Variants in FAM193A observed in about 807,000 individuals in gnomAD.
The protein encoded by FAM193A is protein FAM193A.
Under a neutral mutation model 126.5 loss-of-function variants are expected in FAM193A, and 22 were observed. That is an observed-to-expected ratio of 0.17 (90% CI 0.12 to 0.25). FAM193A has a LOEUF of 0.25. Among genes scored for constraint, FAM193A ranks in the 10% least tolerant of loss-of-function variants. The pLI is 1.00. For missense variants in FAM193A, 1,675 were observed against 1,672.8 expected, an observed-to-expected ratio of 1.00 and a Z score of -0.02; for synonymous variants, 761 against 646.8, an observed-to-expected ratio of 1.18 and a Z score of -2.68.
At chr4:2,568,432 A>G (rs574223043) in intron 1 of FAM193A, among the ~76,000 whole-genome samples, 98 of 152,306 alleles carry the variant, frequency 6.4e-4, no homozygotes, top group African/African-American at 2.2e-3. Flanking sequence ...AGGAGGGAGG[A>G]TCACCTGAGC....
intron 1 of FAM193A, among the ~76,000 whole-genome samples, chr4:2,574,143 G>A (rs1464854972): frequency 6.6e-6 from 1 of 152,166 alleles, no homozygotes; most frequent in Non-Finnish European, 1.5e-5. Context: ...GTGGGGTAAA[G>A]GCTGGAGCAG....
chr4:2,624,822 G>A (rs1742795003), intron 2 of FAM193A, among the ~76,000 whole-genome samples: 2 of 152,186 alleles, frequency 1.3e-5, no homozygotes, highest in South Asian at 4.1e-4. Context: ...GATTACAGGC[G>A]TGAACCGCCA....
At chr4:2,659,205 C>T (rs201545921) in intron 8 of FAM193A, among the ~76,000 whole-genome samples, 34 of 152,330 alleles carry the variant, frequency 2.2e-4, no homozygotes, top group African/African-American at 7.7e-4. Flanking sequence ...CCCTTGCCCT[C>T]CACGTGCCAC....
intron 19 of FAM193A, among the ~76,000 whole-genome samples, chr4:2,703,773 G>A (rs1162235678): frequency 1.3e-5 from 2 of 148,728 alleles, no homozygotes; most frequent in Non-Finnish European, 3.0e-5. Flanking sequence ...AGACCAGCCT[G>A]GGCAATATAG....
intron 19 of FAM193A, among the ~76,000 whole-genome samples, chr4:2,709,506 C>T (rs551722006): frequency 1.3e-5 from 2 of 152,140 alleles, no homozygotes; most frequent in East Asian, 1.9e-4. Flanking sequence ...GTCAGGCGTT[C>T]GAGACAAGCC....
chr4:2,677,503 G>A (rs1043200669), intron 13 of FAM193A, among the ~76,000 whole-genome samples: 2 of 151,946 alleles, frequency 1.3e-5, no homozygotes, highest in Non-Finnish European at 2.9e-5. Flanking sequence ...CACTTTGGGA[G>A]GCTGAGGCGG....
intron 19 of FAM193A, among the ~76,000 whole-genome samples, chr4:2,706,855 T>C (rs1315269863): frequency 6.6e-6 from 1 of 151,852 alleles, no homozygotes; most frequent in Non-Finnish European, 1.5e-5. Flanking sequence ...GGGGCCGGGC[T>C]CACACCTGTA....
intron 13 of FAM193A, among the ~76,000 whole-genome samples, chr4:2,681,365 T>G (rs759490419): frequency 6.6e-6 from 1 of 152,220 alleles, no homozygotes; most frequent in Non-Finnish European, 1.5e-5. Context: ...CTGCTCTAAA[T>G]TACCTTTCTT....
intron 2 of FAM193A, among the ~76,000 whole-genome samples, chr4:2,616,679 C>T (rs1304598034): frequency 6.6e-6 from 1 of 151,886 alleles, no homozygotes; most frequent in Non-Finnish European, 1.5e-5. Context: ...CCCACCTCAG[C>T]CTCCCAAGTA....
intron 17 of FAM193A, among the ~76,000 whole-genome samples, 165 bp downstream of exon 17, chr4:2,695,294 A>G (rs1716907347): frequency 6.6e-6 from 1 of 151,976 alleles, no homozygotes; most frequent in Non-Finnish European, 1.5e-5. Flanking sequence ...AGCCATAATG[A>G]TTTTTTTTCT....
At chr4:2,551,493 T>C (rs1240495088) in intron 1 of FAM193A, among the ~76,000 whole-genome samples, 2 of 152,236 alleles carry the variant, frequency 1.3e-5, no homozygotes, top group Admixed American at 1.3e-4. Context: ...GAATTATTTC[T>C]TTCTCTATGT....
chr4:2,692,290 T>C (rs1716486873), intron 15 of FAM193A, among the ~76,000 whole-genome samples: 1 of 152,072 alleles, frequency 6.6e-6, no homozygotes, highest in South Asian at 2.1e-4. Context: ...AACCATCAGC[T>C]CTCGTGAGAA....
At chr4:2,659,059 C>T (rs71608221) in intron 8 of FAM193A, among the ~76,000 whole-genome samples, 5,458 of 152,260 alleles carry the variant, frequency 0.036, 115 homozygotes, top group South Asian at 0.071. Flanking sequence ...CCATCCCGTC[C>T]TTTTGAGTGG....
At chr4:2,571,707 T>A (rs575354639) in intron 1 of FAM193A, among the ~76,000 whole-genome samples, 2 of 151,326 alleles carry the variant, frequency 1.3e-5, no homozygotes, top group East Asian at 4.0e-4. Context: ...GCCCAGCTAA[T>A]TTTTGTATTT....
At position 2,671,475 on chromosome 4, in the gene FAM193A, C is replaced by T. The variant is rs537659386; in HGVS notation, c.2080-646C>T. Among the ~76,000 whole-genome samples the T allele has an allele frequency of 5.6e-4, 85 of 152,250 alleles. 1 individual carries two copies. In the South Asian group the frequency reaches 0.015, roughly 27 times the overall value. ...CAGAACTCCTGTGCCCACTGCCGACCGAGTCAGGGGTGGAGTACAGGTGCA... is the reference window on the plus strand; with the variant it reads ...CAGAACTCCTGTGCCCACTGCCGACTGAGTCAGGGGTGGAGTACAGGTGCA... On this transcript the variant is annotated intron_variant, in intron 12 of 20. Transcript: ENST00000637812.
intron 13 of FAM193A, among the ~76,000 whole-genome samples, chr4:2,672,867 A>G (rs1432445214): frequency 6.6e-6 from 1 of 152,256 alleles, no homozygotes. Context: ...GTGATGCCAC[A>G]GAAAACTATA....
At chr4:2,628,873 G>C (rs1743251914) in intron 4 of FAM193A, among the ~76,000 whole-genome samples, 1 of 143,044 alleles carries the variant, frequency 7.0e-6, no homozygotes, top group Non-Finnish European at 1.5e-5. Flanking sequence ...TTTTTTTTGA[G>C]ACGGAGTCTC....
chr4:2,539,863 C>T (rs972726695), intron 1 of FAM193A, among the ~76,000 whole-genome samples: 3 of 152,026 alleles, frequency 2.0e-5, no homozygotes, highest in Admixed American at 2.0e-4. Context: ...CTTCGGGAGG[C>T]CGAGGTGGGT....
rs567209753 is a variant in FAM193A, at chr4:2,590,326, G to A, written c.256-5758G>A. Among the ~76,000 whole-genome samples, 11 of 150,606 alleles carry A rather than the reference G, an allele frequency of 7.3e-5. No individual in the cohort carries two copies. The South Asian group carries it at 1.7e-3, about 23-fold the overall frequency. On this transcript the variant is annotated intron_variant, in intron 1 of 20. Coordinates refer to ENST00000637812, the MANE Select transcript of FAM193A (RefSeq NM_001366318.2). The stretch of plus-strand genomic sequence containing the variant: ...CTCTACTAACAACGCCTGTCTGGGC[G>A]TGGTGGCTCCTGCCTGTAGTCCCAG...
Sources: gnomAD v4.1 joint callset for allele counts (sites outside exome capture counted in the v4.1 genomes callset) on GRCh38, gnomAD v4.1.1 for gene constraint, MANE v1.5 for transcripts, NCBI Gene and HGNC (gene_info 2026-07-23, HGNC 2026-07-21) for gene names.